The following CDKN2B-AS1 variants were observed in gnomAD, a reference collection of about 807,000 sequenced individuals.
CDKN2B-AS1 encodes the protein CDKN2B antisense RNA 1 (non-protein coding).
chr9:22,117,223 A>G (rs1825973351), intron 4 of CDKN2B-AS1, among the ~76,000 whole-genome samples: 2 of 152,246 alleles, frequency 1.3e-5, no homozygotes, highest in African/African-American at 4.8e-5. Flanking sequence ...TCAGTTTATT[A>G]TATGCTATGA....
intron 1 of CDKN2B-AS1, chr9:22,012,493 G>A: frequency 1.5e-6 from 1 of 675,198 alleles, no homozygotes; most frequent in South Asian, 1.4e-5. Context: ...GCCGCAAGAA[G>A]AAGTGTGGCC....
intron 1 of CDKN2B-AS1, chr9:22,030,235 T>G (rs532981299): frequency 6.6e-6 from 1 of 152,190 alleles, no homozygotes; most frequent in Admixed American, 6.5e-5. Context: ...AGATTTCAGC[T>G]TTTTGCTTGT....
chr9:22,091,609 C>G (rs1825086624), intron 4 of CDKN2B-AS1, among the ~76,000 whole-genome samples: 1 of 152,150 alleles, frequency 6.6e-6, no homozygotes, highest in African/African-American at 2.4e-5. Context: ...GGAGTTCACT[C>G]ATGATTTGGC....
At chr9:22,019,498 A>C (rs936923536) in intron 1 of CDKN2B-AS1, among the ~76,000 whole-genome samples, 2 of 152,178 alleles carry the variant, frequency 1.3e-5, no homozygotes, top group Non-Finnish European at 2.9e-5. Context: ...GCAGGTTTTT[A>C]CAATGAGAGA....
chr9:22,014,875 C>T (rs1434919535), intron 1 of CDKN2B-AS1, among the ~76,000 whole-genome samples: 1 of 150,624 alleles, frequency 6.6e-6, no homozygotes, highest in Non-Finnish European at 1.5e-5. Flanking sequence ...GTTTTTTGTC[C>T]TTGTGATAGT....
chr9:22,091,835 C>T (rs555956382), intron 4 of CDKN2B-AS1, among the ~76,000 whole-genome samples: 4 of 152,120 alleles, frequency 2.6e-5, no homozygotes, highest in South Asian at 2.1e-4. Flanking sequence ...GCCTGATTGC[C>T]GTGGCCAGAA....
intron 4 of CDKN2B-AS1, among the ~76,000 whole-genome samples, chr9:22,061,075 T>C (rs1006518226): frequency 2.0e-5 from 3 of 152,188 alleles, no homozygotes; most frequent in African/African-American, 7.2e-5. Context: ...ATAATTAATA[T>C]CTGGTCTGGA....
At chr9:22,003,722 C>T (rs1017677769) in intron 1 of CDKN2B-AS1, 1 of 231,744 alleles carries the variant, frequency 4.3e-6, no homozygotes, top group Admixed American at 5.6e-5. Context: ...TATCTTTGTT[C>T]CAAAAATTTG....
rs572438280 is a variant in CDKN2B-AS1, at chr9:22,076,503, T to A, written n.438+20116T>A. On this transcript the variant is annotated intron_variant and non_coding_transcript_variant, in intron 4 of 4. Coordinates refer to ENST00000650946, the Ensembl canonical transcript of CDKN2B-AS1. ...AGGTAAAATTAATTTAATTTAATTT[T>A]AAAAATATATTTTAAGGTATACAAC... Among the ~76,000 whole-genome samples, 3 of 152,306 alleles carry A rather than the reference T, an allele frequency of 2.0e-5. No individual in the cohort carries two copies. The South Asian group carries it at 6.2e-4, about 32-fold the overall frequency.
intron 4 of CDKN2B-AS1, among the ~76,000 whole-genome samples, chr9:22,062,577 G>C (rs1823866350): frequency 6.6e-6 from 1 of 152,112 alleles, no homozygotes; most frequent in South Asian, 2.1e-4. Flanking sequence ...TTCCTTACAT[G>C]ATTCCAAGAG....
At position 22,006,015 on chromosome 9, in the gene CDKN2B-AS1, C is replaced by G. The variant is rs778016656; in HGVS notation, n.29+10854C>G. The G allele has an allele frequency of 1.2e-6, 2 of 1,603,396 alleles. No homozygotes were observed. Among genetic ancestry groups the G allele is most frequent in the East Asian group, 2.2e-5 (1 of 44,876 alleles). Reference sequence around the variant, plus strand: ...GTCCCCCGTGGCTGTGCGCAGGTACCCTGCAACGTCGCGGTGGCCCCGCTC... The same window carrying G: ...GTCCCCCGTGGCTGTGCGCAGGTACGCTGCAACGTCGCGGTGGCCCCGCTC... On this transcript the variant is annotated intron_variant and non_coding_transcript_variant, in intron 1 of 4. Coordinates refer to ENST00000650946, the Ensembl canonical transcript of CDKN2B-AS1. The surrounding 1 kb of genome is among the most constrained non-coding windows in gnomAD (Gnocchi z 6.4).
rs1820934379 is a variant in CDKN2B-AS1, at chr9:22,001,899, C to G, written n.29+6738C>G. ...TAGGTCTTCTATCTTCCAGTCAAGT[C>G]CTTGTTTCACTTTTCTTCATTCCCT... On this transcript the variant is annotated intron_variant and non_coding_transcript_variant, in intron 1 of 4. Coordinates refer to ENST00000650946, the Ensembl canonical transcript of CDKN2B-AS1. This position sits in a 1 kb window ranked among gnomAD's most constrained non-coding sequence, Gnocchi z 4.2. 1.3e-5 allele frequency among the ~76,000 whole-genome samples: 2 copies of G among 152,004 alleles called. No homozygotes were observed. The highest frequency in any genetic ancestry group is 2.9e-5 in the Non-Finnish European group (2 of 67,934).
At chr9:22,089,707 C>T (rs1248273112) in intron 4 of CDKN2B-AS1, among the ~76,000 whole-genome samples, 1 of 152,098 alleles carries the variant, frequency 6.6e-6, no homozygotes, top group Non-Finnish European at 1.5e-5. Context: ...ACCTCAGCCT[C>T]CCAAAGTGCT....
intron 4 of CDKN2B-AS1, among the ~76,000 whole-genome samples, chr9:22,107,027 A>G (rs1389051976): frequency 6.6e-6 from 1 of 152,220 alleles, no homozygotes; most frequent in Non-Finnish European, 1.5e-5. Flanking sequence ...AAAGACTATC[A>G]GATGCCACTA....
chr9:22,043,905 C>A (rs1251772384), intron 1 of CDKN2B-AS1, among the ~76,000 whole-genome samples: 2 of 151,828 alleles, frequency 1.3e-5, no homozygotes, highest in African/African-American at 4.8e-5. Flanking sequence ...GGAAACTCTA[C>A]CCATGAGATT....
chr9:22,011,289 T>A (rs1046433368), intron 1 of CDKN2B-AS1, among the ~76,000 whole-genome samples: 2 of 152,238 alleles, frequency 1.3e-5, no homozygotes, highest in Non-Finnish European at 2.9e-5. Flanking sequence ...CAAATATGAT[T>A]GGATTTTATC....
At position 21,997,215 on chromosome 9, in the gene CDKN2B-AS1, T is replaced by A. The variant is rs538018210; in HGVS notation, n.29+2054T>A. On this transcript the variant is annotated intron_variant and non_coding_transcript_variant, in intron 1 of 4. Transcript: ENST00000650946. This position sits in a 1 kb window ranked among gnomAD's most constrained non-coding sequence, Gnocchi z 4.8. ...TTACTATACTGAATACTGTAGATAA[T>A]TGTAACAAAATGTAGTTTTATATCT... is the stretch of plus-strand genomic sequence containing the variant. Among the ~76,000 whole-genome samples the A allele has an allele frequency of 6.6e-6, 1 of 152,296 alleles. No individual in the cohort carries two copies. The highest frequency in any genetic ancestry group is 1.9e-4 in the East Asian group (1 of 5,188).
chr9:22,056,296 T>C (rs7853090), exon 4 of CDKN2B-AS1: 103,553 of 145,578 alleles, frequency 0.71, 38,735 homozygotes, highest in African/African-American at 0.93. Flanking sequence ...TCTTGAACTC[T>C]CGACCTCGTG....
chr9:22,003,714 T>G (rs1821032666), intron 1 of CDKN2B-AS1: 1 of 231,842 alleles, frequency 4.3e-6, no homozygotes, highest in African/African-American at 2.2e-5. Context: ...GGTTCCATTA[T>G]CTTTGTTCCA....
Sources: gnomAD v4.1 joint callset for allele counts (sites outside exome capture counted in the v4.1 genomes callset) on GRCh38, gnomAD v4.1.1 for gene constraint, Gnocchi (gnomAD v3.1) non-coding constraint, MANE v1.5 for transcripts, NCBI Gene and HGNC (gene_info 2026-07-23, HGNC 2026-07-21) for gene names.